The following DPYD variants were observed in gnomAD, a reference collection of about 807,000 sequenced individuals.
DPYD encodes the protein dihydropyrimidine dehydrogenase.
A neutral mutation model predicts 116.2 loss-of-function variants in DPYD; 109 were observed. The observed-to-expected ratio is 0.94, with a 90% CI of 0.80 to 1.10. DPYD has a LOEUF of 1.10. Ranked by LOEUF, DPYD falls within the 50% of genes least tolerant of loss-of-function variation. The pLI is 0.00. For synonymous variants in DPYD, 440 were observed against 432.0 expected (o/e 1.02, Z -0.23); for missense variants, 1,302 against 1,254.5 (o/e 1.04, Z -0.57).
intron 20 of DPYD, among the ~76,000 whole-genome samples, chr1:97,120,372 T>C (rs1652333963): frequency 6.6e-6 from 1 of 152,136 alleles, no homozygotes; most frequent in South Asian, 2.1e-4. Context: ...TTCAGCGCCT[T>C]TGCCACCCAT....
At chr1:97,393,819 A>G (rs183554993) in intron 14 of DPYD, among the ~76,000 whole-genome samples, 5,456 of 152,148 alleles carry the variant, frequency 0.036, 147 homozygotes, top group East Asian at 0.069. Context: ...TAATGGGATC[A>G]CTGGGTCAAA....
chr1:97,563,853 T>C (rs770381022), intron 11 of DPYD, among the ~76,000 whole-genome samples: 3 of 152,170 alleles, frequency 2.0e-5, no homozygotes, highest in Admixed American at 6.5e-5. Flanking sequence ...AGAAAACCTG[T>C]GCAAGGATTC....
intron 2 of DPYD, among the ~76,000 whole-genome samples, chr1:97,843,153 G>T (rs1036194519): frequency 6.6e-6 from 1 of 152,024 alleles, no homozygotes; most frequent in Admixed American, 6.6e-5. Context: ...GCCTATCTCA[G>T]AAAACCTACT....
chr1:97,793,224 A>C (rs1489563257), intron 3 of DPYD, among the ~76,000 whole-genome samples: 2 of 152,216 alleles, frequency 1.3e-5, no homozygotes, highest in Non-Finnish European at 2.9e-5. Flanking sequence ...AGTCCTTACA[A>C]AATGGAAAGT....
intron 10 of DPYD, among the ~76,000 whole-genome samples, chr1:97,581,252 G>A (rs973837521): frequency 1.0e-4 from 15 of 148,288 alleles, no homozygotes; most frequent in East Asian, 4.0e-4. Context: ...GCATGAACCC[G>A]GGAAGTGGAG....
chr1:97,289,222 G>A (rs904405511), intron 18 of DPYD, among the ~76,000 whole-genome samples: 1 of 151,830 alleles, frequency 6.6e-6, no homozygotes, highest in African/African-American at 2.4e-5. Flanking sequence ...AAGAGTCCAG[G>A]ACCAGATGGA....
At chr1:97,122,416 G>C (rs1045584699) in intron 20 of DPYD, among the ~76,000 whole-genome samples, 3 of 152,242 alleles carry the variant, frequency 2.0e-5, no homozygotes, top group Non-Finnish European at 2.9e-5. Context: ...AGGCTATAAA[G>C]CTTAAGAACT....
At chr1:97,138,760 C>A (rs1653989614) in intron 20 of DPYD, among the ~76,000 whole-genome samples, 1 of 152,094 alleles carries the variant, frequency 6.6e-6, no homozygotes, top group Non-Finnish European at 1.5e-5. Context: ...AATTGGGAGT[C>A]TCTAGAGGAG....
rs146356975 is a variant in DPYD, at chr1:97,595,149, T to C, written c.868A>G (p.Lys290Glu). Residue 290 changes from lysine (K) to glutamate (E), a missense_variant, in exon 9 of 23, where the codon AAA becomes GAA. Lys to Glu is a moderately conservative substitution (Grantham distance 56). Coordinates refer to ENST00000370192, the MANE Select transcript of DPYD (RefSeq NM_000110.4). The stretch of plus-strand genomic sequence containing the variant: ...GTCAGGCCTTGGAAGATGGCATCTT[T>C]ATTGGGTTCTGGCAAACCTAAGTAA... ...FIGIGLPEPN[K>E]DAIFQGLTQD... 202 of 1,613,594 alleles carry C rather than the reference T, an allele frequency of 1.3e-4. No homozygotes were observed. The African/African-American group carries it at 2.3e-3, about 19-fold the overall frequency.
chr1:97,842,746 G>A (rs1030100947), intron 2 of DPYD, among the ~76,000 whole-genome samples: 4 of 151,946 alleles, frequency 2.6e-5, no homozygotes, highest in East Asian at 1.9e-4. Context: ...TGCAATAAAC[G>A]TTTGTTAAGG....
chr1:97,748,831 T>G (rs573512218), intron 3 of DPYD, among the ~76,000 whole-genome samples: 31 of 152,314 alleles, frequency 2.0e-4, no homozygotes, highest in Admixed American at 1.0e-3. Context: ...CTTTTGGTTG[T>G]TTCCCCATGG....
At chr1:97,770,377 A>C (rs1279514998) in intron 3 of DPYD, among the ~76,000 whole-genome samples, 1 of 152,224 alleles carries the variant, frequency 6.6e-6, no homozygotes, top group Non-Finnish European at 1.5e-5. Context: ...AATGTTTTTC[A>C]ATAAATTAAT....
chr1:97,370,724 G>T (rs1269206996), intron 16 of DPYD, among the ~76,000 whole-genome samples: 4 of 152,054 alleles, frequency 2.6e-5, no homozygotes, highest in Non-Finnish European at 5.9e-5. Flanking sequence ...AAGCTTAAAG[G>T]AGATTTAAAG....
intron 1 of DPYD, among the ~76,000 whole-genome samples, chr1:97,906,602 A>C (rs980680435): frequency 6.6e-5 from 10 of 152,052 alleles, no homozygotes; most frequent in Non-Finnish European, 1.3e-4. Flanking sequence ...ACAGGAGTCC[A>C]CCCTAATCCA....
intron 11 of DPYD, among the ~76,000 whole-genome samples, chr1:97,552,634 T>G (rs903571962): frequency 6.6e-6 from 1 of 152,238 alleles, no homozygotes; most frequent in Non-Finnish European, 1.5e-5. Context: ...ATATTTGATT[T>G]ATTTATTCTG....
intron 12 of DPYD, among the ~76,000 whole-genome samples, chr1:97,522,689 A>G (rs1648772583): frequency 6.6e-6 from 1 of 150,988 alleles, no homozygotes; most frequent in Non-Finnish European, 1.5e-5. Context: ...ACTGCTCTCC[A>G]GCCTGGGCAA....
At chr1:97,518,067 T>C (rs1183265132) in intron 12 of DPYD, among the ~76,000 whole-genome samples, 1 of 152,132 alleles carries the variant, frequency 6.6e-6, no homozygotes, top group Non-Finnish European at 1.5e-5. Context: ...TTTGAAATTC[T>C]TACGAACATT....
At chr1:97,166,268 G>A (rs1168011089) in intron 20 of DPYD, among the ~76,000 whole-genome samples, 2 of 152,276 alleles carry the variant, frequency 1.3e-5, no homozygotes, top group East Asian at 3.9e-4. Context: ...CAAAGAATGA[G>A]ATCATGTCCT....
At chr1:97,740,128 TTTTC>T (rs1664180159) in intron 4 of DPYD, among the ~76,000 whole-genome samples, 3 of 152,138 alleles carry the variant, frequency 2.0e-5, no homozygotes, top group African/African-American at 7.2e-5. Flanking sequence ...AAAATCAATC[TTTTC>T]AGTGTCTTGA....
Sources: allele counts gnomAD v4.1 joint callset (sites outside exome capture counted in the v4.1 genomes callset), GRCh38; gene constraint gnomAD v4.1.1; transcripts MANE v1.5; gene names NCBI Gene and HGNC (gene_info 2026-07-23, HGNC 2026-07-21).